Variants in KPTN observed in about 807,000 individuals in gnomAD.
KPTN encodes the protein kaptin, actin binding protein.
Under a neutral mutation model 52.6 loss-of-function variants are expected in KPTN, and 36 were observed. The observed-to-expected ratio is 0.68, with a 90% CI of 0.52 to 0.90. The LOEUF (loss-of-function observed/expected upper bound fraction) is 0.90. Ranked by LOEUF, KPTN falls within the 40% of genes least tolerant of loss-of-function variation. KPTN has a pLI of 0.00. For missense variants in KPTN, 529 were observed against 576.2 expected, an observed-to-expected ratio of 0.92 and a Z score of 0.84; for synonymous variants, 271 against 248.4, an observed-to-expected ratio of 1.09 and a Z score of -0.85.
chr19:47,478,567 T>TAAAAA lies in KPTN; in HGVS notation c.788-791_788-787dup, dbSNP rs757744803. On this transcript the variant is annotated intron_variant, in intron 8 of 11. Transcript: ENST00000338134. ...CAACCAGCCTGACCAAGACTCTGTC[T>TAAAAA]AAAAAAAAAAAAAAAAAAAAAGACA... Among the ~76,000 whole-genome samples the TAAAAA allele has an allele frequency of 1.4e-4, 9 of 66,232 alleles. 1 individual carries two copies. Among genetic ancestry groups the TAAAAA allele is most frequent in the South Asian group, 7.8e-4 (1 of 1,282 alleles). The allele number at this position is 66,232 out of a possible 152,430, so 43.5% of individuals were successfully genotyped here. A position where few individuals can be genotyped will look rare whatever the true frequency, so the allele number is the denominator to read the frequency against.
Position 47,484,185 on chromosome 19 carries a change from G to A in KPTN, c.-25C>T. On this transcript the variant is annotated 5_prime_UTR_variant, in exon 1 of 12. Coordinates refer to ENST00000338134, the MANE Select transcript of KPTN (RefSeq NM_007059.4). ...TGCCCCTCAGTTAAGCACCCTCTCC[G>A]CAGCCCCCGCCCCAACCCGCACTAC... 2 of 1,576,328 alleles carry A rather than the reference G, an allele frequency of 1.3e-6. No individual in the cohort carries two copies. Among genetic ancestry groups the A allele is most frequent in the Non-Finnish European group, 8.6e-7 (1 of 1,166,732 alleles).
upstream of KPTN, chr19:47,484,493 C>A (rs1968012547): frequency 2.6e-6 from 1 of 384,992 alleles, no homozygotes; most frequent in Non-Finnish European, 4.7e-6. Flanking sequence ...CATCATAAAA[C>A]TTAATATTGC....
upstream of KPTN, among the ~76,000 whole-genome samples, chr19:47,485,356 C>T (rs1241968965): frequency 6.6e-6 from 1 of 152,218 alleles, no homozygotes; most frequent in Non-Finnish European, 1.5e-5. Context: ...GACTGATATG[C>T]TAGCAAGTGG....
chr19:47,475,868 G>A (rs1967646277), intron 11 of KPTN, among the ~76,000 whole-genome samples: 1 of 151,964 alleles, frequency 6.6e-6, no homozygotes, highest in Admixed American at 6.6e-5. Flanking sequence ...GGCTGAGGCA[G>A]GACAATCACT....
intron 10 of KPTN, 35 bp from the exon 11 acceptor site, chr19:47,476,749 T>TG: frequency 6.2e-7 from 1 of 1,606,078 alleles, no homozygotes; most frequent in Non-Finnish European, 8.5e-7. Flanking sequence ...CACAGGTTGA[T>TG]GGGGGGACAG....
chr19:47,483,976 A>G lies in KPTN; in HGVS notation c.185T>C (p.Ile62Thr). 6.2e-7 allele frequency: 1 copy of G among 1,612,570 alleles called. No individual in the cohort carries two copies. Among genetic ancestry groups the G allele is most frequent in the Non-Finnish European group, 8.5e-7 (1 of 1,179,772 alleles). Residue 62 changes from isoleucine to threonine, a missense_variant, in exon 1 of 12, where the codon ATC (isoleucine) becomes ACC (threonine). Transcript: ENST00000338134. ...GFRYQDLRQK[I>T]RPVAKELQFN... ...CTGCAGCTCCTTGGCCACTGGCCGG[A>G]TTTTCTGTCGGAGGTCTTGGTAGCG...
chr19:47,480,203 C>G (rs1967824139), intron 7 of KPTN, 95 bp downstream of exon 7: 5 of 643,148 alleles, frequency 7.8e-6, no homozygotes, highest in South Asian at 6.6e-5. Context: ...TTATCCTCCT[C>G]CCCTACCCCA....
upstream of KPTN, chr19:47,484,499 A>C: frequency 5.7e-6 from 2 of 347,832 alleles, no homozygotes; most frequent in East Asian, 5.2e-5. Flanking sequence ...AAAACTTAAT[A>C]TTGCCCTTAT....
chr19:47,484,171 T>G lies in KPTN; in HGVS notation c.-11A>C, dbSNP rs531440026. The stretch of plus-strand genomic sequence containing the variant: ...CGCCTCCCCCATCATGCCCCTCAGT[T>G]AAGCACCCTCTCCGCAGCCCCCGCC... On this transcript the variant is annotated 5_prime_UTR_variant, in exon 1 of 12. Coordinates refer to ENST00000338134, the MANE Select transcript of KPTN (RefSeq NM_007059.4). 1.3e-6 allele frequency: 2 copies of G among 1,590,536 alleles called. No homozygotes were observed. Among genetic ancestry groups the G allele is most frequent in the African/African-American group, 2.7e-5 (2 of 74,776 alleles).
Position 47,475,487 on chromosome 19 carries a change from G to C in KPTN, c.1240C>G (p.Gln414Glu). 1 of 1,613,548 alleles carries C rather than the reference G, an allele frequency of 6.2e-7. No homozygotes were observed. The highest frequency in any genetic ancestry group is 8.5e-7 in the Non-Finnish European group (1 of 1,179,598). ...VLTRLRHQVE[Q>E]RRRRLQGLED... ...AACCCCTGTAGCCGACGTCTCCTCT[G>C]CTCCACTTGATGTCGAAGCCGGGTC... Residue 414 changes from glutamine to glutamate, a missense_variant, in exon 12 of 12, where the codon CAG (glutamine) becomes GAG (glutamate). Coordinates refer to ENST00000338134, the MANE Select transcript of KPTN (RefSeq NM_007059.4).
At chr19:47,478,625 A>G (rs937990440) in intron 8 of KPTN, among the ~76,000 whole-genome samples, 13 of 151,246 alleles carry the variant, frequency 8.6e-5, no homozygotes, top group Non-Finnish European at 1.6e-4. Context: ...AGCCCAATTC[A>G]CAACTGCAAA....
intron 9 of KPTN, 134 bp downstream of exon 9, chr19:47,477,572 T>A: frequency 1.6e-5 from 8 of 514,368 alleles, no homozygotes; most frequent in Non-Finnish European, 2.2e-5. Flanking sequence ...CCCCCACCCC[T>A]GGGTCACGAG....
chr19:47,484,468 A>T (rs565102318), upstream of KPTN: 20 of 459,852 alleles, frequency 4.3e-5, no homozygotes, highest in Non-Finnish European at 7.0e-5. Flanking sequence ...GCTGTGTGGA[A>T]GGTCGAATCA....
In KPTN at chr19:47,484,137, G is replaced by A; in HGVS notation, c.24C>T (p.Ala8=). The change falls in exon 1 of 12, where the codon GCC becomes GCT. Residue 8 remains alanine (A), a synonymous_variant. Transcript: ENST00000338134. Reference sequence around the variant, plus strand: ...CCTCGCGCAACGGACAAGGCCCCGCGGCCACGGCCGCCTCCCCCATCATGC... The same window carrying A: ...CCTCGCGCAACGGACAAGGCCCCGCAGCCACGGCCGCCTCCCCCATCATGC... MMGEAAV[A]AGPCPLREDS... 1 of 1,598,496 alleles carries A rather than the reference G, an allele frequency of 6.3e-7. No homozygotes were observed. Among genetic ancestry groups the A allele is most frequent in the Non-Finnish European group, 8.5e-7 (1 of 1,178,730 alleles).
In KPTN at chr19:47,480,644, G is replaced by A. The variant is rs1294455112; in HGVS notation, c.599+116C>T. On this transcript the variant is annotated intron_variant, in intron 6 of 11. Coordinates refer to ENST00000338134, the MANE Select transcript of KPTN (RefSeq NM_007059.4). ...TGATCAATTTCTCTGAAGTCATGCC[G>A]TGGACTGATTTTTCTGAGCTCCTCC... 5.1e-6 allele frequency: 5 copies of A among 972,734 alleles called. No homozygotes were observed. The African/African-American group carries it at 6.4e-5, about 13-fold the overall frequency. 60.3% of individuals were successfully genotyped at this position (972,734 alleles called of 1,614,324 possible). A position where few individuals can be genotyped will look rare whatever the true frequency, so the allele number is the denominator to read the frequency against.
chr19:47,484,292 G>T, upstream of KPTN: 5 of 1,213,618 alleles, frequency 4.1e-6, no homozygotes, highest in Middle Eastern at 2.9e-4. Flanking sequence ...AGCTGCCGGC[G>T]TTGCCCTCTC....
At chr19:47,479,783 G>C in intron 8 of KPTN, 80 bp downstream of exon 8, 2 of 1,184,098 alleles carry the variant, frequency 1.7e-6, no homozygotes, top group Non-Finnish European at 2.5e-6. Context: ...GTGCAAATCT[G>C]GGTAGAAGGA....
intron 6 of KPTN, 26 bp downstream of exon 6, chr19:47,480,734 G>A (rs776460500): frequency 6.8e-6 from 11 of 1,606,746 alleles, no homozygotes; most frequent in African/African-American, 1.3e-5. Context: ...CCGGTCCCCA[G>A]TGGCCTCTTT....
At chr19:47,479,079 G>A (rs529865086) in intron 8 of KPTN, among the ~76,000 whole-genome samples, 13 of 152,240 alleles carry the variant, frequency 8.5e-5, no homozygotes, top group African/African-American at 3.1e-4. Flanking sequence ...GCCTGGCTCC[G>A]CCACCCAGGC....
Sources: gnomAD v4.1 joint callset for allele counts (sites outside exome capture counted in the v4.1 genomes callset) on GRCh38, gnomAD v4.1.1 for gene constraint, MANE v1.5 for transcripts, NCBI Gene and HGNC (gene_info 2026-07-23, HGNC 2026-07-21) for gene names.